Variants in BLK observed in about 807,000 individuals in gnomAD.
The protein encoded by BLK is BLK proto-oncogene, Src family tyrosine kinase.
Under a neutral mutation model 61.8 loss-of-function variants are expected in BLK, and 64 were observed. The ratio of observed to expected loss-of-function variants is 1.03; its 90% confidence interval spans 0.85 to 1.27. BLK has a LOEUF of 1.27. BLK is among the 50% of genes most tolerant of loss of function. The pLI, the probability that BLK is intolerant of heterozygous loss-of-function variation, is 0.00. For missense variants in BLK, 853 were observed against 660.5 expected (o/e 1.29, Z -3.19); for synonymous variants, 351 against 272.0 (o/e 1.29, Z -2.86).
chr8:11,532,450 A>T (rs1799929294), intron 1 of BLK, among the ~76,000 whole-genome samples: 2 of 150,050 alleles, frequency 1.3e-5, no homozygotes, highest in Admixed American at 6.7e-5. Context: ...AGCTCAAATG[A>T]TCCTCCTGCC....
chr8:11,522,775 A>C (rs1799506516), intron 1 of BLK, among the ~76,000 whole-genome samples: 1 of 152,202 alleles, frequency 6.6e-6, no homozygotes, highest in Non-Finnish European at 1.5e-5. Context: ...GGTTACATAC[A>C]TTATGAAGCC....
chr8:11,545,398 A>G (rs1471222255), intron 2 of BLK, among the ~76,000 whole-genome samples: 1 of 152,064 alleles, frequency 6.6e-6, no homozygotes, highest in Non-Finnish European at 1.5e-5. Flanking sequence ...AAAATACAAA[A>G]ATTAGCTGGG....
chr8:11,544,205 T>G (rs1800516225), intron 2 of BLK, among the ~76,000 whole-genome samples: 1 of 152,212 alleles, frequency 6.6e-6, no homozygotes, highest in Admixed American at 6.5e-5. Flanking sequence ...CCTCAGGTGA[T>G]CCACCTGCCT....
Position 11,561,209 on chromosome 8 carries a change from CA to C in BLK, c.1030-92del, listed in dbSNP as rs748325634. The C allele has an allele frequency of 2.8e-5, 42 of 1,515,060 alleles. No homozygotes were observed. The African/African-American group carries it at 5.1e-4, about 18-fold the overall frequency. 93.9% of individuals were successfully genotyped at this position (1,515,060 alleles called of 1,614,324 possible). A position where few individuals can be genotyped will look rare whatever the true frequency, so the allele number is the denominator to read the frequency against. ...ATCCAAGAAACAGCTCCTTCCCCAG[CA>C]GCCCACAGGGGCTGTGCGGGGGACA... is the stretch of plus-strand genomic sequence containing the variant. On this transcript the variant is annotated intron_variant, in intron 10 of 12. Coordinates refer to ENST00000259089, the MANE Select transcript of BLK (RefSeq NM_001715.3).
At chr8:11,501,295 AG>A (rs1294430757) in intron 1 of BLK, among the ~76,000 whole-genome samples, 1 of 152,190 alleles carries the variant, frequency 6.6e-6, no homozygotes, top group African/African-American at 2.4e-5. Context: ...TAGGGTCAAA[AG>A]TCATAGCCCA....
intron 3 of BLK, 131 bp from the exon 4 acceptor site, chr8:11,547,901 G>A: frequency 2.4e-6 from 2 of 825,628 alleles, no homozygotes; most frequent in Admixed American, 1.9e-5. Context: ...GTGGGGGCCT[G>A]TGCTGGGTGA....
chr8:11,524,622 G>T (rs1016515933), intron 1 of BLK, among the ~76,000 whole-genome samples: 1 of 152,174 alleles, frequency 6.6e-6, no homozygotes, highest in Non-Finnish European at 1.5e-5. Context: ...CCACTTGTGG[G>T]ATTTTTAACC....
intron 8 of BLK, 153 bp from the exon 9 acceptor site, chr8:11,556,505 G>C: frequency 1.1e-6 from 1 of 894,926 alleles, no homozygotes. Context: ...CGCAAGGTAG[G>C]CACCACACAA....
At chr8:11,515,856 AG>A (rs1371212001) in intron 1 of BLK, among the ~76,000 whole-genome samples, 3 of 152,212 alleles carry the variant, frequency 2.0e-5, no homozygotes, top group African/African-American at 7.2e-5. Flanking sequence ...CATGAAATCA[AG>A]TGGGCTCCTG....
At chr8:11,541,812 T>C (rs1800392798) in intron 1 of BLK, among the ~76,000 whole-genome samples, 1 of 152,200 alleles carries the variant, frequency 6.6e-6, no homozygotes, top group Non-Finnish European at 1.5e-5. Context: ...CCATAATCTC[T>C]TATCCAAACT....
intron 1 of BLK, among the ~76,000 whole-genome samples, chr8:11,519,401 A>C (rs1255107140): frequency 6.6e-6 from 1 of 152,234 alleles, no homozygotes. Context: ...AAACTGAGGG[A>C]AAAATTCTAA....
chr8:11,559,312 C>G (rs1474580687), intron 10 of BLK, among the ~76,000 whole-genome samples: 1 of 138,984 alleles, frequency 7.2e-6, no homozygotes, highest in Non-Finnish European at 1.7e-5. Context: ...CTCTCACACA[C>G]ATAAAAACAC....
intron 1 of BLK, among the ~76,000 whole-genome samples, chr8:11,525,745 G>A (rs185825954): frequency 1.3e-5 from 2 of 152,094 alleles, no homozygotes; most frequent in African/African-American, 4.8e-5. Context: ...CTTTTGTGGG[G>A]TTTTTTGTTT....
chr8:11,525,546 T>A (rs2117352177), intron 1 of BLK, among the ~76,000 whole-genome samples: 1 of 152,374 alleles, frequency 6.6e-6, no homozygotes, highest in East Asian at 1.9e-4. Context: ...TTCAGATCTC[T>A]TTTATCCTTT....
chr8:11,527,910 T>C (rs1186770354), intron 1 of BLK, among the ~76,000 whole-genome samples: 1 of 152,104 alleles, frequency 6.6e-6, no homozygotes, highest in Admixed American at 6.5e-5. Flanking sequence ...ATTACAGAAA[T>C]TATGCCTACA....
chr8:11,522,542 A>AACT (rs1273293872), intron 1 of BLK, among the ~76,000 whole-genome samples: 2 of 152,188 alleles, frequency 1.3e-5, no homozygotes, highest in African/African-American at 4.8e-5. Context: ...TGTTCAGAGA[A>AACT]ACTCTCACAT....
chr8:11,515,200 G>A (rs1034206814), intron 1 of BLK, among the ~76,000 whole-genome samples: 1 of 152,200 alleles, frequency 6.6e-6, no homozygotes. Context: ...GGGTGGAGGT[G>A]GCCACAGCAG....
intron 1 of BLK, among the ~76,000 whole-genome samples, chr8:11,531,928 G>A (rs188308372): frequency 5.4e-4 from 82 of 152,110 alleles, no homozygotes; most frequent in Admixed American, 2.3e-3. Flanking sequence ...GCACCATCTC[G>A]GCTCACTGCA....
chr8:11,525,127 G>C (rs534515131), intron 1 of BLK, among the ~76,000 whole-genome samples: 1 of 152,224 alleles, frequency 6.6e-6, no homozygotes, highest in African/African-American at 2.4e-5. Context: ...ACTGAAAGAA[G>C]AGGGTTCTGT....
Sources: allele counts gnomAD v4.1 joint callset (sites outside exome capture counted in the v4.1 genomes callset), GRCh38; gene constraint gnomAD v4.1.1; transcripts MANE v1.5; gene names NCBI Gene and HGNC (gene_info 2026-07-23, HGNC 2026-07-21).